XKR9: variants seen among roughly 807,000 people sequenced by gnomAD.
The protein encoded by XKR9 is XK related 9, also known as XK-related protein 9.
Under a neutral mutation model 32.0 loss-of-function variants are expected in XKR9, and 32 were observed. The ratio of observed to expected loss-of-function variants is 1.00; its 90% CI spans 0.76 to 1.34. The LOEUF (loss-of-function observed/expected upper bound fraction) is 1.34, where lower values mean the gene tolerates loss of function less well. Ranked by LOEUF, XKR9 falls within the 40% of genes most tolerant of loss-of-function variation. The pLI is 0.00. For missense variants in XKR9, 546 were observed against 429.7 expected (o/e 1.27, Z -2.39); for synonymous variants, 168 against 143.4 (o/e 1.17, Z -1.22).
the XKR9 span, among the ~76,000 whole-genome samples, chr8:70,801,522 G>A: frequency 1.3e-5 from 2 of 152,300 alleles, no homozygotes; most frequent in Admixed American, 6.5e-5. Context: ...GCTGTGATCT[G>A]AGAGTGTGTT....
chr8:71,024,521 G>T, the XKR9 span, among the ~76,000 whole-genome samples: 5 of 152,100 alleles, frequency 3.3e-5, no homozygotes, highest in Non-Finnish European at 5.9e-5. Flanking sequence ...TCTTAAAATG[G>T]CACCATTCTG....
At chr8:71,063,995 A>G in the XKR9 span, among the ~76,000 whole-genome samples, 3 of 152,214 alleles carry the variant, frequency 2.0e-5, no homozygotes, top group African/African-American at 7.2e-5. Context: ...TCATTCATAC[A>G]CAATTTAGTA....
chr8:70,954,643 CTT>C, the XKR9 span, among the ~76,000 whole-genome samples: 1 of 152,210 alleles, frequency 6.6e-6, no homozygotes, highest in Non-Finnish European at 1.5e-5. Context: ...GCCAACTTCT[CTT>C]TATCCTCAGG....
chr8:70,810,267 C>A, the XKR9 span, among the ~76,000 whole-genome samples: 1 of 152,142 alleles, frequency 6.6e-6, no homozygotes, highest in African/African-American at 2.4e-5. Flanking sequence ...ACCAGGCCTG[C>A]CCTAAAAGAG....
chr8:71,045,447 A>C, the XKR9 span, among the ~76,000 whole-genome samples: 1 of 152,228 alleles, frequency 6.6e-6, no homozygotes, highest in African/African-American at 2.4e-5. Context: ...TGCTCTTCTT[A>C]TTTTTCTTGG....
At chr8:70,871,838 G>A in the XKR9 span, among the ~76,000 whole-genome samples, 1 of 152,226 alleles carries the variant, frequency 6.6e-6, no homozygotes. Flanking sequence ...CAGGTTGAAA[G>A]CTAGACTTCT....
At chr8:70,841,064 C>T in the XKR9 span, among the ~76,000 whole-genome samples, 2 of 152,020 alleles carry the variant, frequency 1.3e-5, no homozygotes, top group East Asian at 3.9e-4. Context: ...CTGTGAAAAA[C>T]AGGCTTTTGT....
At chr8:71,065,455 A>G in the XKR9 span, among the ~76,000 whole-genome samples, 1 of 152,334 alleles carries the variant, frequency 6.6e-6, no homozygotes, top group African/African-American at 2.4e-5. Flanking sequence ...CTGATCTCAG[A>G]CCTCCAGCTT....
chr8:71,032,012 G>A, the XKR9 span, among the ~76,000 whole-genome samples: 1 of 152,102 alleles, frequency 6.6e-6, no homozygotes. Flanking sequence ...AAACACTGTG[G>A]GGCTGGGCAC....
rs146626082 is a variant in XKR9, at chr8:70,734,267, G to A, written c.965G>A (p.Ser322Asn). ...IFNPDYFIPI[S>N]ITIVLTLLLG... ...AATCCAGACTATTTTATACCTATCA[G>A]TATAACTATAGTTCTTACTCTTCTT... The change falls in exon 5 of 5, where the codon AGT becomes AAT. Residue 322 changes from serine to asparagine, a missense_variant. By Grantham distance (46) the Ser-to-Asn change is conservative. Coordinates refer to ENST00000408926, the MANE Select transcript of XKR9 (RefSeq NM_001011720.2). 1.1e-5 allele frequency: 18 copies of A among 1,612,488 alleles called. No individual in the cohort carries two copies. The highest frequency in any genetic ancestry group is 2.2e-5 in the South Asian group (2 of 90,992).
downstream of XKR9, among the ~76,000 whole-genome samples, chr8:70,792,822 T>C (rs1586900778): frequency 6.6e-6 from 1 of 152,174 alleles, no homozygotes; most frequent in African/African-American, 2.4e-5. Context: ...GAAAGCTCTC[T>C]CAGCCTTTCT....
chr8:70,865,158 G>A, the XKR9 span, among the ~76,000 whole-genome samples: 1 of 152,152 alleles, frequency 6.6e-6, no homozygotes, highest in South Asian at 2.1e-4. Flanking sequence ...TTATTTGCTA[G>A]TGAAGAGTTT....
rs2130143581 is a variant in XKR9 at position 70,735,826 on chromosome 8, G to T, written c.*1402G>T. On this transcript the variant is annotated 3_prime_UTR_variant, in exon 5 of 5. Coordinates refer to ENST00000408926, the MANE Select transcript of XKR9 (RefSeq NM_001011720.2). ...TTTTATGGCTGCATAGTATTCCATG[G>T]TGTATATGTGCCACATTTTCTTAAT... is the stretch of plus-strand genomic sequence containing the variant. 1 of 152,032 alleles carries T rather than the reference G, an allele frequency of 6.6e-6. No homozygotes were observed. 9.4% of individuals were successfully genotyped at this position (152,032 alleles called of 1,614,324 possible).
the XKR9 span, among the ~76,000 whole-genome samples, chr8:70,927,829 T>C: frequency 6.6e-6 from 1 of 152,178 alleles, no homozygotes; most frequent in Non-Finnish European, 1.5e-5. Flanking sequence ...TCTATCCTGA[T>C]TGCCTATGAT....
At chr8:70,943,298 A>G in the XKR9 span, among the ~76,000 whole-genome samples, 13 of 152,168 alleles carry the variant, frequency 8.5e-5, no homozygotes, top group Non-Finnish European at 1.5e-4. Flanking sequence ...GTCAAATACA[A>G]TTTAATAAGT....
chr8:71,008,852 A>G, the XKR9 span, among the ~76,000 whole-genome samples: 4 of 151,270 alleles, frequency 2.6e-5, no homozygotes, highest in East Asian at 7.7e-4. Context: ...AATTTTTTGT[A>G]GTGACTGGGT....
At chr8:70,989,318 A>G in the XKR9 span, among the ~76,000 whole-genome samples, 1 of 152,246 alleles carries the variant, frequency 6.6e-6, no homozygotes, top group Non-Finnish European at 1.5e-5. Flanking sequence ...CTGTTAATAA[A>G]TCAATTCGAA....
chr8:70,970,045 A>G, the XKR9 span, among the ~76,000 whole-genome samples: 443 of 152,308 alleles, frequency 2.9e-3, 2 homozygotes, highest in African/African-American at 0.01. Flanking sequence ...GTAGTCTCCA[A>G]TTCTATCCAG....
intron 2 of XKR9, among the ~76,000 whole-genome samples, chr8:70,764,212 G>C (rs571243139): frequency 6.6e-6 from 1 of 152,258 alleles, no homozygotes; most frequent in Middle Eastern, 3.4e-3. Flanking sequence ...GGCCTTTTCT[G>C]CTCGACTTTC....
Sources: gnomAD v4.1 joint callset for allele counts (sites outside exome capture counted in the v4.1 genomes callset) on GRCh38, gnomAD v4.1.1 for gene constraint, MANE v1.5 for transcripts, NCBI Gene and HGNC (gene_info 2026-07-23, HGNC 2026-07-21) for gene names.